The following LY6S variants were observed in gnomAD, a reference collection of about 807,000 sequenced individuals.
LY6S encodes the protein lymphocyte antigen 6S.
At chr8:143,049,137 C>G in the LY6S span, 1 of 534,364 alleles carries the variant, frequency 1.9e-6, no homozygotes, top group Non-Finnish European at 3.8e-6. Context: ...GTCCCACACC[C>G]TGTCATGGTC....
the LY6S span, chr8:143,044,816 A>AG: frequency 7.3e-7 from 1 of 1,365,718 alleles, no homozygotes; most frequent in Non-Finnish European, 9.8e-7. Context: ...AGAGAGGGCA[A>AG]GGTGGGTGAC....
At chr8:143,063,163 G>A in the LY6S span, among the ~76,000 whole-genome samples, 114,985 of 152,074 alleles carry the variant, frequency 0.76, 43,809 homozygotes, top group East Asian at 0.93. Context: ...GCTTTCTACT[G>A]AGAGGCACCC....
At chr8:143,047,092 G>A in the LY6S span, among the ~76,000 whole-genome samples, 587 of 151,892 alleles carry the variant, frequency 3.9e-3, 2 homozygotes, top group Middle Eastern at 6.8e-3. Flanking sequence ...GACCAAAGCC[G>A]CCTTTGTAAA....
chr8:143,068,556 T>C, the LY6S span, among the ~76,000 whole-genome samples: 2 of 152,080 alleles, frequency 1.3e-5, no homozygotes, highest in Non-Finnish European at 2.9e-5. Context: ...CAGCCTGCAA[T>C]ACCAAGAGCC....
the LY6S span, chr8:143,049,280 TG>T: frequency 3.7e-6 from 2 of 534,640 alleles, no homozygotes; most frequent in Non-Finnish European, 7.7e-6. Flanking sequence ...CTGTAAAAAT[TG>T]GAACACCTTT....
chr8:143,044,311 T>C, the LY6S span: 2 of 444,956 alleles, frequency 4.5e-6, no homozygotes, highest in Admixed American at 4.8e-5. Flanking sequence ...CAGCTGGCGT[T>C]GGGAGGCTAC....
the LY6S span, among the ~76,000 whole-genome samples, chr8:143,048,497 G>C: frequency 7.2e-6 from 1 of 138,010 alleles, no homozygotes; most frequent in Non-Finnish European, 1.5e-5. Flanking sequence ...TTTTGAGACA[G>C]AGTCTCTTTT....
the LY6S span, among the ~76,000 whole-genome samples, chr8:143,058,445 A>G: frequency 2.0e-5 from 3 of 152,040 alleles, no homozygotes; most frequent in Admixed American, 1.3e-4. Context: ...GAGAGAGAGG[A>G]GACAGAGAAA....
At chr8:143,045,857 A>ATTTTTT in the LY6S span, among the ~76,000 whole-genome samples, 2 of 148,028 alleles carry the variant, frequency 1.4e-5, no homozygotes, top group Non-Finnish European at 3.0e-5. This position sits in a 1 kb window ranked among gnomAD's most constrained non-coding sequence, Gnocchi z 5.3. Flanking sequence ...CAATTTACTC[A>ATTTTTT]TTTTTTTTTT....
the LY6S span, chr8:143,044,553 C>G: frequency 1.9e-6 from 1 of 537,926 alleles, no homozygotes; most frequent in Non-Finnish European, 2.8e-6. Flanking sequence ...CACCCCCCAC[C>G]TCAGGAGCCA....
the LY6S span, among the ~76,000 whole-genome samples, chr8:143,051,311 C>G: frequency 6.6e-6 from 1 of 152,136 alleles, no homozygotes; most frequent in African/African-American, 2.4e-5. Flanking sequence ...GAGGCCAAGG[C>G]GAGCGGATCA....
chr8:143,049,481 A>G, the LY6S span, among the ~76,000 whole-genome samples: 34 of 152,156 alleles, frequency 2.2e-4, 1 homozygote, highest in Non-Finnish European at 3.8e-4. Context: ...ATGGCCTTAC[A>G]ACGGAACCCG....
chr8:143,052,737 A>G, the LY6S span, among the ~76,000 whole-genome samples: 1 of 152,194 alleles, frequency 6.6e-6, no homozygotes, highest in African/African-American at 2.4e-5. Context: ...CTCCGGCAAG[A>G]TTGAAAGGAC....
the LY6S span, among the ~76,000 whole-genome samples, chr8:143,070,170 C>T: frequency 6.6e-6 from 1 of 151,570 alleles, no homozygotes; most frequent in Non-Finnish European, 1.5e-5. Context: ...TGTGTCCTCA[C>T]CTCCTCTTAT....
chr8:143,062,238 A>G, the LY6S span, among the ~76,000 whole-genome samples: 1 of 152,270 alleles, frequency 6.6e-6, no homozygotes, highest in Non-Finnish European at 1.5e-5. Flanking sequence ...TACAAAAATC[A>G]AATATATTCT....
chr8:143,065,818 T>TCTTTCTTTCTTTCTTTCTTTCTTC, the LY6S span: 1 of 150,592 alleles, frequency 6.6e-6, no homozygotes, highest in Non-Finnish European at 1.5e-5. Flanking sequence ...TTTCTTTCTT[T>TCTTTCTTTCTTTCTTTCTTTCTTC]CTTTCCTTCC....
At chr8:143,050,601 C>G in the LY6S span, among the ~76,000 whole-genome samples, 1 of 152,102 alleles carries the variant, frequency 6.6e-6, no homozygotes, top group African/African-American at 2.4e-5. Context: ...CAGGCGCCCT[C>G]CTGGACTCCC....
the LY6S span, among the ~76,000 whole-genome samples, chr8:143,061,006 T>C: frequency 6.6e-6 from 1 of 151,326 alleles, no homozygotes; most frequent in South Asian, 2.1e-4. Flanking sequence ...AACAGTGAAA[T>C]GGAAGGTTTT....
the LY6S span, among the ~76,000 whole-genome samples, chr8:143,048,541 TCACTG>T: frequency 2.7e-5 from 4 of 149,588 alleles, no homozygotes; most frequent in Non-Finnish European, 5.9e-5. Context: ...CCACCTCAGC[TCACTG>T]CAACCTCCAC....
Sources: allele counts gnomAD v4.1 joint callset (sites outside exome capture counted in the v4.1 genomes callset), GRCh38; gene constraint gnomAD v4.1.1; non-coding constraint Gnocchi (gnomAD v3.1); transcripts MANE v1.5; gene names NCBI Gene and HGNC (gene_info 2026-07-23, HGNC 2026-07-21).